Variants in TGFA observed in about 807,000 individuals in gnomAD.
TGFA encodes protransforming growth factor alpha.
In TGFA, 12 loss-of-function variants were observed where a neutral mutation model predicts 21.7. That is an observed-to-expected ratio of 0.55 (90% CI 0.35 to 0.90). The LOEUF (loss-of-function observed/expected upper bound fraction) is 0.90. Among genes scored for constraint, TGFA ranks in the 40% least tolerant of loss-of-function variants. The probability of loss-of-function intolerance (pLI) is 0.01; values close to 1 mark genes in which losing one functional copy is unlikely to be tolerated. For missense variants in TGFA, 178 were observed against 210.8 expected, an observed-to-expected ratio of 0.84 and a Z score of 0.96; for synonymous variants, 79 against 88.1, an observed-to-expected ratio of 0.90 and a Z score of 0.58.
chr2:70,512,253 T>C (rs1481929095), intron 2 of TGFA, among the ~76,000 whole-genome samples: 2 of 152,092 alleles, frequency 1.3e-5, no homozygotes, highest in African/African-American at 4.8e-5. Context: ...CAAGAGTAAA[T>C]AACTCTGGAA....
chr2:70,493,970 C>T (rs1334364890), intron 2 of TGFA, among the ~76,000 whole-genome samples: 1 of 152,210 alleles, frequency 6.6e-6, no homozygotes, highest in Non-Finnish European at 1.5e-5. Flanking sequence ...TAAAATCACC[C>T]ACATTATCTC....
chr2:70,496,943 C>T (rs1671595117), intron 2 of TGFA, among the ~76,000 whole-genome samples: 1 of 152,330 alleles, frequency 6.6e-6, no homozygotes, highest in South Asian at 2.1e-4. Flanking sequence ...TGAAGAGCTA[C>T]TGCCAGAATC....
At chr2:70,520,102 C>A (rs1275642155) in intron 1 of TGFA, among the ~76,000 whole-genome samples, 1 of 152,198 alleles carries the variant, frequency 6.6e-6, no homozygotes, top group African/African-American at 2.4e-5. Context: ...CCACTGAACA[C>A]AGCACTTGAT....
intron 2 of TGFA, among the ~76,000 whole-genome samples, chr2:70,497,241 T>A (rs1480878276): frequency 6.6e-6 from 1 of 152,246 alleles, no homozygotes; most frequent in Non-Finnish European, 1.5e-5. Flanking sequence ...TGGACTTTAC[T>A]CTGAGAGTAT....
chr2:70,468,758 C>T (rs988613809), intron 2 of TGFA, among the ~76,000 whole-genome samples: 3 of 152,182 alleles, frequency 2.0e-5, no homozygotes, highest in Non-Finnish European at 4.4e-5. Context: ...TCTCCCATCA[C>T]CCCCAAATTG....
intron 1 of TGFA, among the ~76,000 whole-genome samples, chr2:70,521,231 A>G (rs1362598757): frequency 1.3e-5 from 2 of 152,144 alleles, no homozygotes; most frequent in East Asian, 3.9e-4. Context: ...CCAAGTCCTG[A>G]GTAGAGATTT....
At chr2:70,458,878 T>G (rs1360791053) in intron 3 of TGFA, among the ~76,000 whole-genome samples, 1 of 152,166 alleles carries the variant, frequency 6.6e-6, no homozygotes, top group Non-Finnish European at 1.5e-5. Flanking sequence ...AGGGCTTAGC[T>G]CTACAGAAAC....
chr2:70,511,926 CACACTT>C (rs1196588926), intron 2 of TGFA, among the ~76,000 whole-genome samples: 2 of 150,818 alleles, frequency 1.3e-5, no homozygotes, highest in African/African-American at 5.0e-5. Flanking sequence ...CACACACACA[CACACTT>C]GCTACAATGA....
intron 1 of TGFA, among the ~76,000 whole-genome samples, chr2:70,537,917 A>T (rs1433731931): frequency 6.6e-6 from 1 of 152,196 alleles, no homozygotes; most frequent in Non-Finnish European, 1.5e-5. Flanking sequence ...GCCATCTAGG[A>T]TGTTTGTAGC....
intron 1 of TGFA, among the ~76,000 whole-genome samples, chr2:70,524,504 A>T (rs1437470513): frequency 6.6e-6 from 1 of 152,242 alleles, no homozygotes; most frequent in Non-Finnish European, 1.5e-5. Context: ...AGTATCGCCG[A>T]GCCCTCTCGG....
intron 2 of TGFA, among the ~76,000 whole-genome samples, chr2:70,494,376 C>T (rs1553498073): frequency 6.6e-6 from 1 of 152,212 alleles, no homozygotes; most frequent in Non-Finnish European, 1.5e-5. Flanking sequence ...CAGCCTTCTG[C>T]ACCAAATGAA....
intron 1 of TGFA, among the ~76,000 whole-genome samples, chr2:70,547,753 T>C (rs111714549): frequency 0.098 from 12,570 of 128,756 alleles, 730 homozygotes; most frequent in Middle Eastern, 0.18. Flanking sequence ...TATATATAGA[T>C]AGTATACTAT....
chr2:70,490,867 A>G (rs1368723208), intron 2 of TGFA, among the ~76,000 whole-genome samples: 1 of 152,180 alleles, frequency 6.6e-6, no homozygotes, highest in Non-Finnish European at 1.5e-5. Context: ...TACAAAACAT[A>G]AAGTGTAGAT....
At chr2:70,503,895 G>A (rs145035857) in intron 2 of TGFA, among the ~76,000 whole-genome samples, 78 of 152,322 alleles carry the variant, frequency 5.1e-4, no homozygotes, top group African/African-American at 1.8e-3. Flanking sequence ...GGAAGACTGC[G>A]TTTTCATCCC....
intron 1 of TGFA, among the ~76,000 whole-genome samples, chr2:70,529,155 T>C (rs1672734044): frequency 6.6e-6 from 1 of 152,204 alleles, no homozygotes; most frequent in Non-Finnish European, 1.5e-5. Flanking sequence ...GTGTTTTTGG[T>C]TCACCGTATT....
chr2:70,553,521 G>A, intron 1 of TGFA: 3 of 1,373,322 alleles, frequency 2.2e-6, no homozygotes, highest in Admixed American at 3.4e-5. Context: ...CCACTTTCCC[G>A]GGGAAGCCTC....
chr2:70,500,011 T>C (rs1443448803), intron 2 of TGFA, among the ~76,000 whole-genome samples: 4 of 152,266 alleles, frequency 2.6e-5, no homozygotes, highest in African/African-American at 9.6e-5. Context: ...AAGGTCAAAA[T>C]AGTGTTACTT....
chr2:70,479,212 C>A (rs1216414775), intron 2 of TGFA, among the ~76,000 whole-genome samples: 1 of 152,130 alleles, frequency 6.6e-6, no homozygotes, highest in African/African-American at 2.4e-5. Context: ...TGAAGAGGCT[C>A]TTTGGACATT....
At chr2:70,550,574 C>A (rs7568736) in intron 1 of TGFA, among the ~76,000 whole-genome samples, 66,748 of 152,010 alleles carry the variant, frequency 0.44, 15,302 homozygotes, top group East Asian at 0.61. Context: ...TAATCCCAGC[C>A]CTTTGGGAGG....
Sources: gnomAD v4.1 joint callset for allele counts (sites outside exome capture counted in the v4.1 genomes callset) on GRCh38, gnomAD v4.1.1 for gene constraint, MANE v1.5 for transcripts, NCBI Gene and HGNC (gene_info 2026-07-23, HGNC 2026-07-21) for gene names.